Variants in SYNRG observed in about 807,000 individuals in gnomAD.
SYNRG encodes the protein AP1 gamma subunit binding protein 1.
In SYNRG, 37 loss-of-function variants were observed where a neutral mutation model predicts 130.9. The ratio of observed to expected loss-of-function variants is 0.28; its 90% confidence interval spans 0.22 to 0.37. The LOEUF (loss-of-function observed/expected upper bound fraction) is 0.37. Among genes scored for constraint, SYNRG ranks in the 10% least tolerant of loss-of-function variants. The pLI, the probability that SYNRG is intolerant of heterozygous loss-of-function variation, is 1.00. For missense variants in SYNRG, 1,338 were observed against 1,588.9 expected, an observed-to-expected ratio of 0.84 and a Z score of 2.68; for synonymous variants, 539 against 568.1, an observed-to-expected ratio of 0.95 and a Z score of 0.73.
chr17:37,527,757 A>G (rs2056120052), intron 19 of SYNRG, among the ~76,000 whole-genome samples: 1 of 152,100 alleles, frequency 6.6e-6, no homozygotes, highest in African/African-American at 2.4e-5. Flanking sequence ...CTTATCAGGA[A>G]CTCGAACGTC....
chr17:37,600,012 G>A (rs778819878), intron 2 of SYNRG, among the ~76,000 whole-genome samples: 1 of 152,150 alleles, frequency 6.6e-6, no homozygotes, highest in African/African-American at 2.4e-5. Flanking sequence ...CAGAAGACTA[G>A]ATAGAAGGAG....
chr17:37,538,236 G>C (rs903480775), intron 18 of SYNRG, 88 bp downstream of exon 18: 37 of 974,576 alleles, frequency 3.8e-5, no homozygotes, highest in African/African-American at 3.3e-4. Context: ...TATGTAACTT[G>C]AGAGATCTAG....
chr17:37,571,064 G>C (rs1223697869), intron 9 of SYNRG, among the ~76,000 whole-genome samples, 179 bp from the exon 10 acceptor site: 5 of 152,172 alleles, frequency 3.3e-5, no homozygotes, highest in Admixed American at 1.3e-4. Flanking sequence ...TAATACTTAA[G>C]AAAGAAATGG....
intron 1 of SYNRG, among the ~76,000 whole-genome samples, chr17:37,605,165 G>GT (rs1347277727): frequency 7.9e-5 from 12 of 152,142 alleles, no homozygotes; most frequent in African/African-American, 2.9e-4. Flanking sequence ...AAAAAACACT[G>GT]TATCTGCTAA....
rs113586642 is a variant in SYNRG at position 37,529,268 on chromosome 17, T to A, written c.3666+6711A>T. ...CAGGTTAGATGGGCCCCAAACCCAA[T>A]AGGCTTTCTTCAAAATAACAAAATC... is the stretch of plus-strand genomic sequence containing the variant. On this transcript the variant is annotated intron_variant, in intron 19 of 21. Transcript: ENST00000612223. Among the ~76,000 whole-genome samples, 70 of 152,256 alleles carry A rather than the reference T, an allele frequency of 4.6e-4. 1 individual carries two copies. The South Asian group carries it at 0.013, about 29-fold the overall frequency.
chr17:37,553,092 G>C (rs1278051853), intron 14 of SYNRG, 23 bp downstream of exon 14: 2 of 1,600,954 alleles, frequency 1.2e-6, no homozygotes, highest in Admixed American at 3.5e-5. Context: ...ACCATCACCA[G>C]AGCAATCTCA....
At chr17:37,521,660 G>A (rs1288789227) in intron 19 of SYNRG, among the ~76,000 whole-genome samples, 1 of 152,194 alleles carries the variant, frequency 6.6e-6, no homozygotes, top group South Asian at 2.1e-4. Flanking sequence ...CAATGAATTG[G>A]GGGTGGCAAT....
At chr17:37,589,562 A>G (rs1029211792) in intron 3 of SYNRG, among the ~76,000 whole-genome samples, 1 of 151,868 alleles carries the variant, frequency 6.6e-6, no homozygotes, top group Non-Finnish European at 1.5e-5. Flanking sequence ...CATCCTGGCT[A>G]ACACGATGAA....
At chr17:37,586,308 G>A in intron 4 of SYNRG, 111 bp downstream of exon 4, 6 of 1,462,740 alleles carry the variant, frequency 4.1e-6, no homozygotes, top group South Asian at 2.7e-5. Flanking sequence ...GAGTTTTAAA[G>A]ACAACTTTTG....
At chr17:37,558,758 C>T (rs1027023082) in intron 13 of SYNRG, among the ~76,000 whole-genome samples, 18 of 152,120 alleles carry the variant, frequency 1.2e-4, no homozygotes, top group African/African-American at 3.4e-4. Flanking sequence ...TGAACACTGG[C>T]GTCTTGACGT....
At chr17:37,596,094 A>T in intron 3 of SYNRG, 129 bp downstream of exon 3, 1 of 1,044,546 alleles carries the variant, frequency 9.6e-7, no homozygotes, top group Non-Finnish European at 1.4e-6. Context: ...TCTTCATTTT[A>T]GTTTGAAGGA....
At chr17:37,590,302 AC>A (rs1400954587) in intron 3 of SYNRG, among the ~76,000 whole-genome samples, 1 of 152,230 alleles carries the variant, frequency 6.6e-6, no homozygotes, top group Non-Finnish European at 1.5e-5. Flanking sequence ...TTTTGACACA[AC>A]ATGACACTAT....
chr17:37,544,686 A>G (rs943099709), intron 14 of SYNRG, among the ~76,000 whole-genome samples: 8 of 152,170 alleles, frequency 5.3e-5, no homozygotes, highest in Admixed American at 2.0e-4. Flanking sequence ...TTTTTGCTGT[A>G]GTGATTTTTT....
chr17:37,590,746 C>T (rs896688482), intron 3 of SYNRG, among the ~76,000 whole-genome samples: 1 of 152,028 alleles, frequency 6.6e-6, no homozygotes, highest in Non-Finnish European at 1.5e-5. Flanking sequence ...CATGGTGAAA[C>T]CCCATCTCTA....
At chr17:37,556,534 G>C (rs1260149827) in intron 13 of SYNRG, among the ~76,000 whole-genome samples, 1 of 139,638 alleles carries the variant, frequency 7.2e-6, no homozygotes, top group Non-Finnish European at 1.5e-5. Flanking sequence ...TATGTACTTG[G>C]ATATAGCAGA....
chr17:37,570,246 G>A (rs557265402), intron 10 of SYNRG, among the ~76,000 whole-genome samples: 1 of 150,004 alleles, frequency 6.7e-6, no homozygotes, highest in Admixed American at 6.7e-5. Flanking sequence ...TGAACTCCTG[G>A]GATCAAGTGA....
intron 19 of SYNRG, among the ~76,000 whole-genome samples, chr17:37,527,780 T>C (rs1369742406): frequency 6.6e-6 from 1 of 152,170 alleles, no homozygotes; most frequent in Non-Finnish European, 1.5e-5. Context: ...CAGATTTTTA[T>C]ATCCAGAAAT....
In SYNRG at chr17:37,609,345, C is replaced by T. The variant is rs1259337090; in HGVS notation, c.11G>A (p.Arg4Gln). The change falls in exon 1 of 22, where the codon CGG (arginine) becomes CAG (glutamine). Residue 4 changes from arginine to glutamine, a missense_variant. By Grantham distance (43) the Arg-to-Gln change is conservative. Transcript: ENST00000612223. MAL[R>Q]PGAGSGGGGA... is the part of the protein sequence containing the mutation. ...GCCGCCACCAGAACCAGCTCCTGGC[C>T]GCAGCGCCATCTTGCTCCCGACCTG... 1 of 1,457,952 alleles carries T rather than the reference C, an allele frequency of 6.9e-7. No homozygotes were observed. The allele number at this position is 1,457,952 out of a possible 1,614,324, so 90.3% of individuals were successfully genotyped here. A position where few individuals can be genotyped will look rare whatever the true frequency, so the allele number is the denominator to read the frequency against.
chr17:37,592,243 T>A (rs189506318), intron 3 of SYNRG, among the ~76,000 whole-genome samples: 2 of 152,090 alleles, frequency 1.3e-5, no homozygotes, highest in Non-Finnish European at 2.9e-5. Flanking sequence ...ATTAAAACCA[T>A]GAGATATTAC....
Sources: allele counts gnomAD v4.1 joint callset (sites outside exome capture counted in the v4.1 genomes callset), GRCh38; gene constraint gnomAD v4.1.1; transcripts MANE v1.5; gene names NCBI Gene and HGNC (gene_info 2026-07-23, HGNC 2026-07-21).